GAS2: variants seen among roughly 807,000 people sequenced by gnomAD.
GAS2 encodes growth arrest specific 2.
Under a neutral mutation model 37.5 loss-of-function variants are expected in GAS2, and 20 were observed. The observed-to-expected ratio is 0.53, with a 90% CI of 0.37 to 0.77. GAS2 has a LOEUF of 0.77. Among genes scored for constraint, GAS2 ranks in the 30% least tolerant of loss-of-function variants. The probability of loss-of-function intolerance (pLI) is 0.00; values close to 1 mark genes in which losing one functional copy is unlikely to be tolerated. For synonymous variants in GAS2, 144 were observed against 132.2 expected (o/e 1.09, Z -0.61); for missense variants, 336 against 373.4 (o/e 0.90, Z 0.82).
At chr11:22,746,378 T>C (rs1853404570) in intron 5 of GAS2, among the ~76,000 whole-genome samples, 1 of 151,956 alleles carries the variant, frequency 6.6e-6, no homozygotes, top group Non-Finnish European at 1.5e-5. Context: ...CAAAGGAAAA[T>C]AAATCATTCT....
At chr11:22,764,795 A>G (rs145378885) in intron 7 of GAS2, among the ~76,000 whole-genome samples, 16 of 152,322 alleles carry the variant, frequency 1.1e-4, no homozygotes, top group African/African-American at 3.6e-4. Flanking sequence ...ATTATTCTTC[A>G]TTAAAAACTT....
At chr11:22,753,037 G>A (rs1314643447) in intron 6 of GAS2, among the ~76,000 whole-genome samples, 1 of 152,058 alleles carries the variant, frequency 6.6e-6, no homozygotes, top group Non-Finnish European at 1.5e-5. Flanking sequence ...ACAATGAGTT[G>A]AATACAGTTC....
At chr11:22,782,917 T>C (rs1277348085) in intron 7 of GAS2, among the ~76,000 whole-genome samples, 5 of 152,050 alleles carry the variant, frequency 3.3e-5, no homozygotes, top group African/African-American at 1.2e-4. Flanking sequence ...TACACATGCA[T>C]GTGTTCCTTT....
At chr11:22,746,612 A>G (rs140358959) in intron 5 of GAS2, among the ~76,000 whole-genome samples, 58 of 152,144 alleles carry the variant, frequency 3.8e-4, no homozygotes, top group African/African-American at 1.4e-3. Context: ...AGAAAACCCA[A>G]TACTGCATGT....
At chr11:22,679,316 C>CATTT (rs1198124580) in intron 2 of GAS2, among the ~76,000 whole-genome samples, 1 of 152,046 alleles carries the variant, frequency 6.6e-6, no homozygotes, top group African/African-American at 2.4e-5. Context: ...TAAATATACA[C>CATTT]ATTTCATTTT....
chr11:22,673,602 G>A (rs1849290678), intron 1 of GAS2, among the ~76,000 whole-genome samples: 1 of 152,052 alleles, frequency 6.6e-6, no homozygotes, highest in Admixed American at 6.6e-5. Flanking sequence ...TATAAATAAT[G>A]CATACAAAAG....
intron 1 of GAS2, among the ~76,000 whole-genome samples, chr11:22,660,633 T>A (rs1848904888): frequency 6.6e-6 from 1 of 152,176 alleles, no homozygotes; most frequent in Non-Finnish European, 1.5e-5. Context: ...TGACCAAATC[T>A]GGACTCCAGA....
intron 7 of GAS2, among the ~76,000 whole-genome samples, chr11:22,796,942 A>G (rs995312289): frequency 6.6e-6 from 1 of 152,066 alleles, no homozygotes; most frequent in African/African-American, 2.4e-5. Context: ...GGAGTGGATA[A>G]ATTCTAATTT....
intron 3 of GAS2, among the ~76,000 whole-genome samples, chr11:22,697,443 A>G (rs1355019780): frequency 6.6e-6 from 1 of 152,166 alleles, no homozygotes; most frequent in African/African-American, 2.4e-5. Context: ...TTTTGGTTGC[A>G]TATGAACTTT....
At chr11:22,787,999 C>T (rs1476576648) in intron 7 of GAS2, among the ~76,000 whole-genome samples, 1 of 152,146 alleles carries the variant, frequency 6.6e-6, no homozygotes, top group Non-Finnish European at 1.5e-5. Context: ...TCATGTAGCT[C>T]ATCTTTTTGA....
chr11:22,791,062 GA>G (rs1856134676), intron 7 of GAS2, among the ~76,000 whole-genome samples: 2 of 152,084 alleles, frequency 1.3e-5, no homozygotes, highest in Admixed American at 1.3e-4. Flanking sequence ...TACTCAAAAT[GA>G]AAAAGAATAG....
chr11:22,729,263 C>T (rs1852361824), intron 4 of GAS2, among the ~76,000 whole-genome samples: 1 of 151,868 alleles, frequency 6.6e-6, no homozygotes, highest in Admixed American at 6.6e-5. Flanking sequence ...CTTGTGGCAA[C>T]TGATATGCTA....
chr11:22,682,869 TA>T (rs371098220), intron 2 of GAS2, among the ~76,000 whole-genome samples: 103 of 78,948 alleles, frequency 1.3e-3, no homozygotes, highest in Middle Eastern at 0.011. Flanking sequence ...CACTTTCTGC[TA>T]AAAAAAAAAA....
intron 7 of GAS2, among the ~76,000 whole-genome samples, chr11:22,779,517 G>A (rs1487455700): frequency 1.3e-5 from 2 of 152,128 alleles, no homozygotes; most frequent in Admixed American, 6.5e-5. Context: ...GGCCAACATG[G>A]TGAAACCCCA....
chr11:22,752,201 T>C (rs1207548146), intron 6 of GAS2, among the ~76,000 whole-genome samples: 1 of 152,048 alleles, frequency 6.6e-6, no homozygotes, highest in Non-Finnish European at 1.5e-5. Flanking sequence ...TGATAAACTT[T>C]GGCATATCAA....
Position 22,789,436 on chromosome 11 carries a change from A to ATATATATATAAATATATATATT in GAS2, c.724-22352_724-22351insAATATATATATTTATATATATA, listed in dbSNP as rs1856015789. 2.1e-5 allele frequency among the ~76,000 whole-genome samples: 2 copies of ATATATATATAAATATATATATT among 94,496 alleles called. 1 individual carries two copies. Among genetic ancestry groups the ATATATATATAAATATATATATT allele is most frequent in the Non-Finnish European group, 4.5e-5 (2 of 44,126 alleles). 62.0% of individuals were successfully genotyped at this position (94,496 alleles called of 152,430 possible). A position where few individuals can be genotyped will look rare whatever the true frequency, so the allele number is the denominator to read the frequency against. ...TGTATCTCATATGAGATATATATAT[A>ATATATATATAAATATATATATT]TATATATATATATATATATTCTTTT... On this transcript the variant is annotated intron_variant, in intron 7 of 7. Coordinates refer to ENST00000454584, the MANE Select transcript of GAS2 (RefSeq NM_001143830.3).
chr11:22,750,883 C>A (rs570074359), intron 6 of GAS2, among the ~76,000 whole-genome samples: 1 of 151,768 alleles, frequency 6.6e-6, no homozygotes, highest in Admixed American at 6.6e-5. Context: ...AGTCAGGGTT[C>A]CAGACCACTA....
chr11:22,706,465 C>T (rs1169697184), intron 3 of GAS2, among the ~76,000 whole-genome samples: 1 of 152,084 alleles, frequency 6.6e-6, no homozygotes, highest in African/African-American at 2.4e-5. Flanking sequence ...GGTATATCTC[C>T]CAATGCTATC....
intron 7 of GAS2, among the ~76,000 whole-genome samples, chr11:22,772,765 G>A (rs749285012): frequency 7.2e-5 from 11 of 152,092 alleles, no homozygotes; most frequent in South Asian, 4.1e-4. Flanking sequence ...CTAAGTTTTG[G>A]CAGTGGTATC....
Sources: gnomAD v4.1 joint callset for allele counts (sites outside exome capture counted in the v4.1 genomes callset) on GRCh38, gnomAD v4.1.1 for gene constraint, MANE v1.5 for transcripts, NCBI Gene and HGNC (gene_info 2026-07-23, HGNC 2026-07-21) for gene names.